The following ANAPC10 variants were observed in gnomAD, a reference collection of about 807,000 sequenced individuals.
ANAPC10 encodes the protein anaphase-promoting complex subunit 10.
A neutral mutation model predicts 22.0 loss-of-function variants in ANAPC10; 12 were observed. That is an observed-to-expected ratio of 0.55 (90% CI 0.35 to 0.88). The LOEUF is 0.88. ANAPC10 is among the 40% of genes least tolerant of loss of function. ANAPC10 has a pLI of 0.01. For synonymous variants in ANAPC10, 65 were observed against 69.5 expected, an observed-to-expected ratio of 0.94 and a Z score of 0.32; for missense variants, 188 against 220.9, an observed-to-expected ratio of 0.85 and a Z score of 0.94.
rs530893226 is a variant in ANAPC10 at position 145,075,731 on chromosome 4, C to G, written c.206+5929G>C. 3.3e-5 allele frequency among the ~76,000 whole-genome samples: 5 copies of G among 152,264 alleles called. No homozygotes were observed. The East Asian group carries it at 9.6e-4, about 29-fold the overall frequency. ...TCCAGAATTCTAGTGGCAGGAGGCC[C>G]CACAACCCCCCCAGGCATCTGAACC... On this transcript the variant is annotated intron_variant, in intron 3 of 4. Coordinates refer to ENST00000507656, the MANE Select transcript of ANAPC10 (RefSeq NM_001256706.2).
At chr4:145,015,095 G>C (rs1578911912) in intron 4 of ANAPC10, among the ~76,000 whole-genome samples, 1 of 151,914 alleles carries the variant, frequency 6.6e-6, no homozygotes, top group East Asian at 1.9e-4. Flanking sequence ...AGAAATCCCT[G>C]ACTTACCTGA....
intron 4 of ANAPC10, among the ~76,000 whole-genome samples, chr4:145,054,184 G>C (rs1258304198): frequency 6.6e-6 from 1 of 151,168 alleles, no homozygotes; most frequent in Non-Finnish European, 1.5e-5. Flanking sequence ...TGGTATTACA[G>C]GCCTGAGCCA....
chr4:145,032,378 A>G (rs1737737291), intron 4 of ANAPC10, among the ~76,000 whole-genome samples: 1 of 152,228 alleles, frequency 6.6e-6, no homozygotes, highest in South Asian at 2.1e-4. Context: ...CTGGATGGTC[A>G]GGGACTTGGA....
intron 4 of ANAPC10, among the ~76,000 whole-genome samples, chr4:145,026,710 G>A (rs1471112268): frequency 6.8e-6 from 1 of 148,140 alleles, no homozygotes; most frequent in African/African-American, 2.5e-5. Flanking sequence ...AAAGCAGCAA[G>A]CAAACAAAGA....
At chr4:145,022,400 G>C (rs942992314) in intron 4 of ANAPC10, among the ~76,000 whole-genome samples, 1 of 152,070 alleles carries the variant, frequency 6.6e-6, no homozygotes, top group Non-Finnish European at 1.5e-5. Context: ...TATTCTAAGT[G>C]AAGTCACTCA....
chr4:145,067,593 G>C (rs1163247971), intron 3 of ANAPC10, among the ~76,000 whole-genome samples: 1 of 152,094 alleles, frequency 6.6e-6, no homozygotes, highest in African/African-American at 2.4e-5. Context: ...TTCAATATTA[G>C]GAAACACACT....
At chr4:145,075,108 C>T (rs991277777) in intron 3 of ANAPC10, among the ~76,000 whole-genome samples, 5 of 152,014 alleles carry the variant, frequency 3.3e-5, no homozygotes, top group African/African-American at 1.2e-4. Flanking sequence ...TACAACACAC[C>T]AGGAGGTCTT....
chr4:144,996,395 T>C (rs1731614657), intron 4 of ANAPC10, among the ~76,000 whole-genome samples: 1 of 152,096 alleles, frequency 6.6e-6, no homozygotes, highest in African/African-American at 2.4e-5. Context: ...ATACTGGAGA[T>C]CTAGAGACAC....
At chr4:145,079,840 G>A (rs914472733) in intron 3 of ANAPC10, among the ~76,000 whole-genome samples, 1 of 152,120 alleles carries the variant, frequency 6.6e-6, no homozygotes, top group African/African-American at 2.4e-5. Flanking sequence ...ATGGCTAGGT[G>A]TAGTGGCTCA....
intron 3 of ANAPC10, among the ~76,000 whole-genome samples, chr4:145,071,468 T>C (rs1274935658): frequency 6.6e-6 from 1 of 151,786 alleles, no homozygotes; most frequent in Non-Finnish European, 1.5e-5. Flanking sequence ...TCACTACAAA[T>C]AAAAAAAATC....
intron 4 of ANAPC10, among the ~76,000 whole-genome samples, chr4:145,003,007 C>T (rs905134263): frequency 6.6e-6 from 1 of 152,084 alleles, no homozygotes; most frequent in Non-Finnish European, 1.5e-5. Context: ...CCATTCCCAC[C>T]CTCCTCCCAT....
chr4:145,033,023 T>C (rs559166076), intron 4 of ANAPC10: 3 of 152,346 alleles, frequency 2.0e-5, no homozygotes, highest in Non-Finnish European at 2.9e-5. Flanking sequence ...CACATGCTCA[T>C]GGAATTCACT....
At chr4:145,028,558 C>G (rs540657644) in intron 4 of ANAPC10, among the ~76,000 whole-genome samples, 2 of 152,184 alleles carry the variant, frequency 1.3e-5, no homozygotes, top group African/African-American at 4.8e-5. Flanking sequence ...TCTAGAGGAA[C>G]AGAATATTAA....
chr4:145,083,950 A>AT (rs1463898094), intron 2 of ANAPC10, among the ~76,000 whole-genome samples: 23 of 152,196 alleles, frequency 1.5e-4, no homozygotes, highest in Non-Finnish European at 2.8e-4. Context: ...ATTATTCATA[A>AT]CACTTTTACT....
At chr4:145,060,888 C>T (rs2126436679) in intron 4 of ANAPC10, among the ~76,000 whole-genome samples, 1 of 152,054 alleles carries the variant, frequency 6.6e-6, no homozygotes, top group Non-Finnish European at 1.5e-5. Context: ...TATCAGGCTC[C>T]TATTTAACTT....
At chr4:145,006,380 G>T (rs1733360828) in intron 4 of ANAPC10, among the ~76,000 whole-genome samples, 1 of 152,012 alleles carries the variant, frequency 6.6e-6, no homozygotes, top group South Asian at 2.1e-4. Flanking sequence ...CAGACTATGG[G>T]TATCATTGCA....
At chr4:145,032,851 C>A (rs1034867673) in intron 4 of ANAPC10, among the ~76,000 whole-genome samples, 1 of 152,244 alleles carries the variant, frequency 6.6e-6, no homozygotes, top group African/African-American at 2.4e-5. Flanking sequence ...AGAGGTTTGT[C>A]TTCACTGGAA....
At chr4:145,068,892 G>C (rs1205702366) in intron 3 of ANAPC10, among the ~76,000 whole-genome samples, 2 of 152,186 alleles carry the variant, frequency 1.3e-5, no homozygotes, top group Admixed American at 1.3e-4. Context: ...CCTGGTGACA[G>C]AGCGAAACTC....
At chr4:145,087,383 G>A (rs1192550803) in intron 2 of ANAPC10, among the ~76,000 whole-genome samples, 1 of 151,952 alleles carries the variant, frequency 6.6e-6, no homozygotes, top group Non-Finnish European at 1.5e-5. Flanking sequence ...TTGAGACAGG[G>A]TCTCATTCTG....
Sources: gnomAD v4.1 joint callset for allele counts (sites outside exome capture counted in the v4.1 genomes callset) on GRCh38, gnomAD v4.1.1 for gene constraint, MANE v1.5 for transcripts, NCBI Gene and HGNC (gene_info 2026-07-23, HGNC 2026-07-21) for gene names.